The following GNAQ variants were observed in gnomAD, a reference collection of about 807,000 sequenced individuals.
The protein encoded by GNAQ is guanine nucleotide-binding protein G(q) subunit alpha.
Under a neutral mutation model 43.9 loss-of-function variants are expected in GNAQ, and 8 were observed. The observed-to-expected ratio is 0.18, with a 90% confidence interval of 0.11 to 0.33. The LOEUF (loss-of-function observed/expected upper bound fraction) is 0.33, where lower values mean the gene tolerates loss of function less well. Among genes scored for constraint, GNAQ ranks in the 10% least tolerant of loss-of-function variants. The probability of loss-of-function intolerance (pLI) is 1.00; values close to 1 mark genes in which losing one functional copy is unlikely to be tolerated. For missense variants in GNAQ, 158 were observed against 450.8 expected (o/e 0.35, Z 5.88); for synonymous variants, 155 against 170.7 (o/e 0.91, Z 0.71).
rs190960060 is a variant in GNAQ at position 77,766,768 on chromosome 9, T to C, written c.735+27695A>G. ...GTGTTTAACTAGTGACAACTGGAGCTGCCTTTGCCAGAAGGGAAGGACAGT... is the reference window on the plus strand; with the variant it reads ...GTGTTTAACTAGTGACAACTGGAGCCGCCTTTGCCAGAAGGGAAGGACAGT... On this transcript the variant is annotated intron_variant, in intron 5 of 6. Transcript: ENST00000286548. Among the ~76,000 whole-genome samples the C allele has an allele frequency of 6.6e-5, 10 of 152,284 alleles. No homozygotes were observed. In the East Asian group the frequency reaches 1.9e-3, roughly 29 times the overall value.
At chr9:77,932,729 T>C (rs1050543217) in intron 1 of GNAQ, among the ~76,000 whole-genome samples, 10 of 152,196 alleles carry the variant, frequency 6.6e-5, no homozygotes, top group African/African-American at 2.2e-4. Flanking sequence ...CATTATATTT[T>C]AGGAAACAAG....
intron 1 of GNAQ, among the ~76,000 whole-genome samples, chr9:77,954,746 A>G (rs1183900597): frequency 6.6e-6 from 1 of 152,212 alleles, no homozygotes; most frequent in Non-Finnish European, 1.5e-5. Context: ...AAGAGATCAG[A>G]CTACACCCAC....
At chr9:78,012,440 C>T (rs1823785287) in intron 1 of GNAQ, among the ~76,000 whole-genome samples, 1 of 152,012 alleles carries the variant, frequency 6.6e-6, no homozygotes, top group South Asian at 2.1e-4. Flanking sequence ...AACTCCTGAC[C>T]TTGTAATCCA....
At chr9:77,998,127 T>C (rs891918379) in intron 1 of GNAQ, among the ~76,000 whole-genome samples, 1 of 152,116 alleles carries the variant, frequency 6.6e-6, no homozygotes, top group African/African-American at 2.4e-5. Flanking sequence ...AGCCCTCCAA[T>C]GCCCATGTGC....
At chr9:77,911,495 A>G (rs1192266341) in intron 2 of GNAQ, among the ~76,000 whole-genome samples, 2 of 152,222 alleles carry the variant, frequency 1.3e-5, no homozygotes, top group Non-Finnish European at 2.9e-5. Flanking sequence ...TTAAAATACT[A>G]TAGTTAATAA....
chr9:77,946,465 G>A (rs1045183370), intron 1 of GNAQ, among the ~76,000 whole-genome samples: 14 of 152,124 alleles, frequency 9.2e-5, no homozygotes, highest in Admixed American at 9.2e-4. Flanking sequence ...AAAACACCCA[G>A]GCAAAGGAAA....
At chr9:77,934,822 T>C (rs560373644) in intron 1 of GNAQ, among the ~76,000 whole-genome samples, 1 of 152,290 alleles carries the variant, frequency 6.6e-6, no homozygotes, top group Non-Finnish European at 1.5e-5. Flanking sequence ...TGGCATCTAA[T>C]AGTCAGTTAA....
chr9:77,781,549 C>T (rs1409193106), intron 5 of GNAQ, among the ~76,000 whole-genome samples: 1 of 152,056 alleles, frequency 6.6e-6, no homozygotes, highest in Non-Finnish European at 1.5e-5. Context: ...CAAAACCAGA[C>T]AAAGTCATTC....
intron 2 of GNAQ, among the ~76,000 whole-genome samples, chr9:77,841,588 T>G (rs1056881504): frequency 6.6e-6 from 1 of 152,208 alleles, no homozygotes; most frequent in Non-Finnish European, 1.5e-5. Flanking sequence ...ATCCTAGAAT[T>G]TGTATATCAA....
At chr9:78,015,016 A>T (rs1223703577) in intron 1 of GNAQ, among the ~76,000 whole-genome samples, 2 of 152,220 alleles carry the variant, frequency 1.3e-5, no homozygotes, top group Non-Finnish European at 2.9e-5. Context: ...ACAAAAGTGT[A>T]CAGTCATGTC....
intron 5 of GNAQ, among the ~76,000 whole-genome samples, chr9:77,785,808 A>C (rs567512166): frequency 6.6e-6 from 1 of 152,204 alleles, no homozygotes; most frequent in African/African-American, 2.4e-5. Context: ...ATGAAATCAC[A>C]ATTTGAAGCA....
chr9:77,875,427 C>T (rs1828111326), intron 2 of GNAQ, among the ~76,000 whole-genome samples: 1 of 152,180 alleles, frequency 6.6e-6, no homozygotes, highest in Non-Finnish European at 1.5e-5. Context: ...AACCACCAGC[C>T]AGGCCAACAA....
intron 1 of GNAQ, among the ~76,000 whole-genome samples, chr9:77,950,529 T>G (rs532727203): frequency 6.6e-6 from 1 of 152,342 alleles, no homozygotes; most frequent in African/African-American, 2.4e-5. Context: ...ATATCTGCTT[T>G]CTCATGTATG....
At position 77,848,506 on chromosome 9, in the gene GNAQ, C is replaced by A. The variant is rs2117913635; in HGVS notation, c.322-32736G>T. Among the ~76,000 whole-genome samples, 2 of 152,346 alleles carry A rather than the reference C, an allele frequency of 1.3e-5. 1 individual carries two copies. Among genetic ancestry groups the A allele is most frequent in the South Asian group, 4.1e-4 (2 of 4,830 alleles). The stretch of plus-strand genomic sequence containing the variant: ...TCAAACCCCAAATTGGCCTGTTTTC[C>A]CTGACAGACTGCTGGGATACAGATT... On this transcript the variant is annotated intron_variant, in intron 2 of 6. Coordinates refer to ENST00000286548, the MANE Select transcript of GNAQ (RefSeq NM_002072.5).
chr9:77,959,697 T>C (rs1021170040), intron 1 of GNAQ, among the ~76,000 whole-genome samples: 8 of 152,324 alleles, frequency 5.3e-5, no homozygotes, highest in Non-Finnish European at 1.2e-4. Context: ...TCATTGAGTT[T>C]TTCTCTTCCT....
At chr9:78,008,619 C>CATTTCATTTT (rs1446644028) in intron 1 of GNAQ, among the ~76,000 whole-genome samples, 7 of 103,030 alleles carry the variant, frequency 6.8e-5, no homozygotes, top group South Asian at 6.5e-4. Context: ...CATTTCATTT[C>CATTTCATTTT]ATTTTATTTT....
chr9:77,771,109 C>T (rs1406533948), intron 5 of GNAQ, among the ~76,000 whole-genome samples: 2 of 152,148 alleles, frequency 1.3e-5, no homozygotes, highest in African/African-American at 4.8e-5. Flanking sequence ...TCACTGGTAT[C>T]ACTAACACCT....
chr9:77,740,054 T>C lies in GNAQ; in HGVS notation c.736-11387A>G, dbSNP rs113123902. Reference sequence around the variant, plus strand: ...CAGGAAAATCTACATTTGGGGGAAATAGGATGAAATAAATAACCCAAAACA... The same window carrying C: ...CAGGAAAATCTACATTTGGGGGAAACAGGATGAAATAAATAACCCAAAACA... On this transcript the variant is annotated intron_variant, in intron 5 of 6. Transcript: ENST00000286548. Among the ~76,000 whole-genome samples, 875 of 152,260 alleles carry C rather than the reference T, an allele frequency of 5.7e-3. 2 individuals are homozygous for C. Among genetic ancestry groups the C allele is most frequent in the African/African-American group, 0.02 (823 of 41,564 alleles).
At chr9:77,933,968 C>T (rs1016967982) in intron 1 of GNAQ, among the ~76,000 whole-genome samples, 1 of 152,174 alleles carries the variant, frequency 6.6e-6, no homozygotes, top group Non-Finnish European at 1.5e-5. Flanking sequence ...CCTGCAAATA[C>T]TTCCTCAGGA....
Sources: allele counts gnomAD v4.1 joint callset (sites outside exome capture counted in the v4.1 genomes callset), GRCh38; gene constraint gnomAD v4.1.1; transcripts MANE v1.5; gene names NCBI Gene and HGNC (gene_info 2026-07-23, HGNC 2026-07-21).